TNIK: variants seen among roughly 807,000 people sequenced by gnomAD.
The protein encoded by TNIK is TRAF2 and NCK interacting kinase, also known as TRAF2 and NCK-interacting protein kinase.
TNIK carries 49 observed loss-of-function variants against 191.3 expected under a neutral mutation model. The ratio of observed to expected loss-of-function variants is 0.26; its 90% CI spans 0.20 to 0.32. The LOEUF is 0.32. Ranked by LOEUF, TNIK falls within the 10% of genes least tolerant of loss-of-function variation. The probability of loss-of-function intolerance (pLI) is 1.00; values close to 1 mark genes in which losing one functional copy is unlikely to be tolerated. For synonymous variants in TNIK, 594 were observed against 600.9 expected (o/e 0.99, Z 0.17); for missense variants, 1,155 against 1,702.3 (o/e 0.68, Z 5.66).
At chr3:171,116,162 T>C (rs1726663688) in intron 18 of TNIK, among the ~76,000 whole-genome samples, 1 of 152,262 alleles carries the variant, frequency 6.6e-6, no homozygotes, top group Admixed American at 6.5e-5. Context: ...CATGAGTAGT[T>C]TGAGAAAATG....
At chr3:171,094,005 C>T in intron 22 of TNIK, 37 bp from the exon 23 acceptor site, 1 of 1,596,980 alleles carries the variant, frequency 6.3e-7, no homozygotes, top group Non-Finnish European at 8.5e-7. Context: ...GGCAATGTAT[C>T]TTTAGGAAAT....
chr3:171,309,750 T>C (rs1044773937), intron 2 of TNIK, among the ~76,000 whole-genome samples: 4 of 152,116 alleles, frequency 2.6e-5, no homozygotes. Context: ...ATTCAAAATA[T>C]TACTAAATAA....
chr3:171,226,791 T>C (rs982374531), intron 3 of TNIK, among the ~76,000 whole-genome samples: 1 of 152,150 alleles, frequency 6.6e-6, no homozygotes, highest in Non-Finnish European at 1.5e-5. Flanking sequence ...CAATAATAAG[T>C]CAGTACAATG....
intron 16 of TNIK, among the ~76,000 whole-genome samples, chr3:171,127,516 T>C (rs1728653863): frequency 6.6e-6 from 1 of 152,114 alleles, no homozygotes; most frequent in African/African-American, 2.4e-5. Flanking sequence ...TCACAAAATA[T>C]CTACATTTTC....
At position 171,253,245 on chromosome 3, in the gene TNIK, C is replaced by T. The variant is rs372503036; in HGVS notation, c.124-25024G>A. ...CTTGCAGTGAGCCGAGATCACACCA[C>T]TGCACTCCAGCCTGGGCAACAAAGC... On this transcript the variant is annotated intron_variant, in intron 2 of 32. Coordinates refer to ENST00000436636, the MANE Select transcript of TNIK (RefSeq NM_015028.4). Among the ~76,000 whole-genome samples, 96 of 150,176 alleles carry T rather than the reference C, an allele frequency of 6.4e-4. 1 individual carries two copies. The South Asian group carries it at 0.02, about 31-fold the overall frequency.
intron 1 of TNIK, among the ~76,000 whole-genome samples, chr3:171,402,472 A>G (rs1721072715): frequency 6.6e-6 from 1 of 152,234 alleles, no homozygotes; most frequent in Non-Finnish European, 1.5e-5. Context: ...ACCACCTGGC[A>G]GTGGACTAAA....
At chr3:171,103,413 TTTACTTC>T (rs1285260575) in intron 21 of TNIK, among the ~76,000 whole-genome samples, 2 of 152,274 alleles carry the variant, frequency 1.3e-5, no homozygotes, top group African/African-American at 4.8e-5. Context: ...AATTTCAACT[TTTACTTC>T]TTATTTCCTC....
intron 1 of TNIK, among the ~76,000 whole-genome samples, chr3:171,443,372 A>G (rs569711603): frequency 1.3e-5 from 2 of 152,354 alleles, no homozygotes; most frequent in African/African-American, 4.8e-5. Context: ...TGGAGGAATC[A>G]GATAAACAGG....
chr3:171,257,512 A>T (rs1308195592), intron 2 of TNIK, among the ~76,000 whole-genome samples: 1 of 152,128 alleles, frequency 6.6e-6, no homozygotes, highest in Non-Finnish European at 1.5e-5. Context: ...GTTGCTGTAG[A>T]CCTTGTTTGA....
chr3:171,306,707 C>T (rs1327602803), intron 2 of TNIK, among the ~76,000 whole-genome samples: 1 of 151,760 alleles, frequency 6.6e-6, no homozygotes, highest in Non-Finnish European at 1.5e-5. Flanking sequence ...CATGAAAAAG[C>T]AAAATGACAG....
chr3:171,106,639 A>G (rs1724935881), intron 21 of TNIK: 1 of 524,838 alleles, frequency 1.9e-6, no homozygotes, highest in South Asian at 1.4e-5. Context: ...TATTTTTCTA[A>G]TGGAAAACGT....
At chr3:171,120,616 G>T (rs1727584818) in intron 18 of TNIK, among the ~76,000 whole-genome samples, 1 of 152,076 alleles carries the variant, frequency 6.6e-6, no homozygotes, top group Admixed American at 6.6e-5. Flanking sequence ...ACCGCGCCCG[G>T]CCTCTTTTTT....
chr3:171,064,994 C>T (rs1718243400), intron 32 of TNIK, among the ~76,000 whole-genome samples: 1 of 152,188 alleles, frequency 6.6e-6, no homozygotes, highest in African/African-American at 2.4e-5. Context: ...TGGAAAACCA[C>T]AATGAAGAAA....
At chr3:171,154,809 A>G (rs958058864) in intron 12 of TNIK, among the ~76,000 whole-genome samples, 1 of 152,228 alleles carries the variant, frequency 6.6e-6, no homozygotes, top group African/African-American at 2.4e-5. Context: ...GAACTTTGTT[A>G]TAGGTTGTAC....
At chr3:171,188,241 C>G (rs1470187624) in intron 7 of TNIK, among the ~76,000 whole-genome samples, 1 of 152,164 alleles carries the variant, frequency 6.6e-6, no homozygotes, top group East Asian at 1.9e-4. Flanking sequence ...CTGATTCCCT[C>G]TCATGAAAAA....
intron 22 of TNIK, among the ~76,000 whole-genome samples, chr3:171,095,230 G>A (rs1248388840): frequency 6.6e-6 from 1 of 152,220 alleles, no homozygotes; most frequent in African/African-American, 2.4e-5. Flanking sequence ...ACAGAGCACA[G>A]TGCCAGGGCT....
intron 4 of TNIK, among the ~76,000 whole-genome samples, chr3:171,195,742 C>T (rs377321342): frequency 4.5e-4 from 68 of 152,192 alleles, no homozygotes; most frequent in South Asian, 6.2e-4. Context: ...GATTCCACAA[C>T]GGCTAGGGAA....
chr3:171,071,919 T>A (rs997792322), intron 28 of TNIK, among the ~76,000 whole-genome samples: 1 of 152,142 alleles, frequency 6.6e-6, no homozygotes, highest in Non-Finnish European at 1.5e-5. Flanking sequence ...ATATTAAGCA[T>A]TGTAAATTCT....
At chr3:171,179,611 C>G (rs1189009400) in intron 7 of TNIK, among the ~76,000 whole-genome samples, 4 of 152,082 alleles carry the variant, frequency 2.6e-5, no homozygotes, top group Admixed American at 2.6e-4. Context: ...GCCACCATGC[C>G]CGGCTAATTT....
Sources: allele counts gnomAD v4.1 joint callset (sites outside exome capture counted in the v4.1 genomes callset), GRCh38; gene constraint gnomAD v4.1.1; transcripts MANE v1.5; gene names NCBI Gene and HGNC (gene_info 2026-07-23, HGNC 2026-07-21).